The following PTPRN2 variants were observed in gnomAD, a reference collection of about 807,000 sequenced individuals.
PTPRN2 encodes protein tyrosine phosphatase receptor type N2.
A neutral mutation model predicts 118.8 loss-of-function variants in PTPRN2; 74 were observed. That is an observed-to-expected ratio of 0.62 (90% confidence interval 0.52 to 0.76). The LOEUF (loss-of-function observed/expected upper bound fraction) is 0.76, where lower values mean the gene tolerates loss of function less well. PTPRN2 is among the 30% of genes least tolerant of loss of function. The pLI, the probability that PTPRN2 is intolerant of heterozygous loss-of-function variation, is 0.00. For synonymous variants in PTPRN2, 641 were observed against 608.0 expected, an observed-to-expected ratio of 1.05 and a Z score of -0.80; for missense variants, 1,481 against 1,394.4, an observed-to-expected ratio of 1.06 and a Z score of -0.99.
chr7:157,645,525 G>A (rs1805007943), intron 14 of PTPRN2, among the ~76,000 whole-genome samples: 1 of 152,216 alleles, frequency 6.6e-6, no homozygotes, highest in Admixed American at 6.5e-5. Context: ...CATTTCACAT[G>A]GTCCGTGTAG....
chr7:157,895,188 T>C (rs1797039055), intron 12 of PTPRN2, among the ~76,000 whole-genome samples: 1 of 151,388 alleles, frequency 6.6e-6, no homozygotes, highest in Non-Finnish European at 1.5e-5. Context: ...AGCCAGAGGA[T>C]CTGGACGAGA....
intron 1 of PTPRN2, among the ~76,000 whole-genome samples, chr7:158,530,545 G>C (rs573708234): frequency 3.3e-5 from 5 of 152,336 alleles, no homozygotes; most frequent in South Asian, 4.1e-4. Flanking sequence ...AGCAAGGCGG[G>C]GGGGGTTCCA....
chr7:158,387,578 G>GGGGGCTGGGGCAT (rs1563230352), intron 2 of PTPRN2, among the ~76,000 whole-genome samples: 3 of 16,968 alleles, frequency 1.8e-4, no homozygotes, highest in Non-Finnish European at 2.4e-4. Flanking sequence ...TGTCAGCTCA[G>GGGGGCTGGGGCAT]CTTGGCCCGG....
At chr7:158,153,943 T>A (rs1821456700) in intron 6 of PTPRN2, among the ~76,000 whole-genome samples, 1 of 150,966 alleles carries the variant, frequency 6.6e-6, no homozygotes, top group Admixed American at 6.6e-5. Context: ...AGACTGGACA[T>A]GGGGGGACAG....
At chr7:157,633,740 C>T (rs990100584) in intron 14 of PTPRN2, among the ~76,000 whole-genome samples, 3 of 152,284 alleles carry the variant, frequency 2.0e-5, no homozygotes, top group Non-Finnish European at 4.4e-5. Flanking sequence ...GGCGTGGCCA[C>T]TCCGGGAGGA....
chr7:158,495,851 C>A (rs1320398164), intron 1 of PTPRN2, among the ~76,000 whole-genome samples: 1 of 152,120 alleles, frequency 6.6e-6, no homozygotes, highest in African/African-American at 2.4e-5. Context: ...GGGCATCTGG[C>A]TTCTGTGGCC....
At chr7:158,347,158 T>TC (rs1229491982) in intron 2 of PTPRN2, among the ~76,000 whole-genome samples, 3 of 152,126 alleles carry the variant, frequency 2.0e-5, no homozygotes, top group South Asian at 2.1e-4. Flanking sequence ...GGGGATCAAA[T>TC]AAAAAAAATT....
At chr7:158,286,803 T>G (rs1799798748) in intron 3 of PTPRN2, among the ~76,000 whole-genome samples, 3 of 152,240 alleles carry the variant, frequency 2.0e-5, no homozygotes, top group African/African-American at 7.2e-5. Flanking sequence ...GATTTTGGCC[T>G]GTAATTTTCT....
chr7:158,153,543 G>T (rs1342544229), intron 6 of PTPRN2, among the ~76,000 whole-genome samples: 1 of 152,140 alleles, frequency 6.6e-6, no homozygotes, highest in African/African-American at 2.4e-5. Context: ...TTGAGCAGCG[G>T]GGCACTGAAG....
chr7:158,339,303 T>G lies in PTPRN2; in HGVS notation c.164-22371A>C, dbSNP rs187582004. ...CTCACCATAAGAGCTGACACCTGCATACGTCACTCACACCCACACTCTCAA... is the reference window on the plus strand; with the variant it reads ...CTCACCATAAGAGCTGACACCTGCAGACGTCACTCACACCCACACTCTCAA... On this transcript the variant is annotated intron_variant, in intron 2 of 22. Coordinates refer to ENST00000389418, the MANE Select transcript of PTPRN2 (RefSeq NM_002847.5). Among the ~76,000 whole-genome samples, 18 of 3,934 alleles carry G rather than the reference T, an allele frequency of 4.6e-3. 1 individual carries two copies. The highest frequency in any genetic ancestry group is 0.027 in the African/African-American group (7 of 262). The allele number at this position is 3,934 out of a possible 152,430, so 2.6% of individuals were successfully genotyped here.
chr7:158,395,250 C>T (rs1011646001), intron 2 of PTPRN2, among the ~76,000 whole-genome samples: 12 of 146,960 alleles, frequency 8.2e-5, no homozygotes, highest in Non-Finnish European at 1.8e-4. Context: ...ATCCCCCGTG[C>T]GGGCACCTGC....
intron 11 of PTPRN2, among the ~76,000 whole-genome samples, chr7:157,898,980 G>T (rs1272479037): frequency 6.6e-6 from 1 of 152,182 alleles, no homozygotes; most frequent in Non-Finnish European, 1.5e-5. Context: ...ATCTAGAAAG[G>T]GGTGTCCCAC....
At chr7:158,097,483 C>G (rs1814726118) in intron 10 of PTPRN2, among the ~76,000 whole-genome samples, 1 of 152,240 alleles carries the variant, frequency 6.6e-6, no homozygotes, top group African/African-American at 2.4e-5. Context: ...AGGCTGCGTG[C>G]CCCGAATGCC....
chr7:158,251,959 A>G (rs1796710535), intron 3 of PTPRN2, among the ~76,000 whole-genome samples: 1 of 152,276 alleles, frequency 6.6e-6, no homozygotes, highest in Admixed American at 6.5e-5. Context: ...GAGGTCAGGG[A>G]AACGAGAGCC....
chr7:157,715,280 T>C lies in PTPRN2; in HGVS notation c.1789-32343A>G, dbSNP rs1048100461. Among the ~76,000 whole-genome samples the C allele has an allele frequency of 4.6e-5, 7 of 151,510 alleles. No homozygotes were observed. In the East Asian group the frequency reaches 7.8e-4, roughly 17 times the overall value. ...GTGGGAATGAATGAGGCCCAGGGAG[T>C]GTTGGGAGACAGGCCGGCGGCCGCG... On this transcript the variant is annotated intron_variant, in intron 12 of 22. Coordinates refer to ENST00000389418, the MANE Select transcript of PTPRN2 (RefSeq NM_002847.5).
intron 14 of PTPRN2, among the ~76,000 whole-genome samples, chr7:157,645,540 G>T (rs118034261): frequency 6.6e-6 from 1 of 152,130 alleles, no homozygotes; most frequent in Non-Finnish European, 1.5e-5. Flanking sequence ...GTGTAGTCTG[G>T]AGTGGCAAAA....
chr7:158,417,219 C>G (rs1205604259), intron 2 of PTPRN2, among the ~76,000 whole-genome samples: 2 of 152,066 alleles, frequency 1.3e-5, no homozygotes, highest in Non-Finnish European at 2.9e-5. Context: ...TGCACTACAA[C>G]AAGATGCTCT....
chr7:158,149,998 C>T (rs1031968894), intron 6 of PTPRN2, among the ~76,000 whole-genome samples: 4 of 152,164 alleles, frequency 2.6e-5, no homozygotes, highest in African/African-American at 9.7e-5. Context: ...TGTTAAGCCT[C>T]ATTACAGACA....
intron 2 of PTPRN2, among the ~76,000 whole-genome samples, chr7:158,463,316 T>G (rs1819135414): frequency 2.6e-5 from 4 of 152,024 alleles, no homozygotes; most frequent in Non-Finnish European, 5.9e-5. Context: ...TCATCATCAT[T>G]ACTATCATCA....
Sources: allele counts gnomAD v4.1 joint callset (sites outside exome capture counted in the v4.1 genomes callset), GRCh38; gene constraint gnomAD v4.1.1; transcripts MANE v1.5; gene names NCBI Gene and HGNC (gene_info 2026-07-23, HGNC 2026-07-21).